WAPL: variants seen among roughly 807,000 people sequenced by gnomAD.
WAPL encodes the protein WAPL cohesin release factor.
WAPL carries 5 observed loss-of-function variants against 121.0 expected under a neutral mutation model. That is an observed-to-expected ratio of 0.04 (90% confidence interval 0.02 to 0.09). WAPL has a LOEUF of 0.09. Ranked by LOEUF, WAPL falls within the 10% of genes least tolerant of loss-of-function variation. The pLI is 1.00. For missense variants in WAPL, 999 were observed against 1,410.8 expected (o/e 0.71, Z 4.68); for synonymous variants, 480 against 481.5 (o/e 1.00, Z 0.04).
intron 3 of WAPL, among the ~76,000 whole-genome samples, chr10:86,497,742 T>C (rs1330897790): frequency 2.0e-5 from 3 of 152,188 alleles, no homozygotes; most frequent in Non-Finnish European, 2.9e-5. Flanking sequence ...CACTAAATCA[T>C]GTTGGCCTTC....
intron 2 of WAPL, among the ~76,000 whole-genome samples, chr10:86,502,337 C>T (rs1003205130): frequency 6.6e-6 from 1 of 152,158 alleles, no homozygotes; most frequent in South Asian, 2.1e-4. Context: ...GGATAAGGAA[C>T]AAGAAAAGAC....
chr10:86,481,517 G>C (rs1841786114), intron 4 of WAPL, among the ~76,000 whole-genome samples: 2 of 152,116 alleles, frequency 1.3e-5, no homozygotes, highest in African/African-American at 4.8e-5. Context: ...GGGATTACAG[G>C]CATGTGCTAC....
chr10:86,502,739 G>A (rs1842269509), intron 2 of WAPL, among the ~76,000 whole-genome samples: 1 of 152,110 alleles, frequency 6.6e-6, no homozygotes, highest in Admixed American at 6.5e-5. Context: ...TTACACAGAT[G>A]AGAAAAAAAG....
rs1841546390 is a variant in WAPL at position 86,472,120 on chromosome 10, A to C, written c.2030+88T>G. The stretch of plus-strand genomic sequence containing the variant: ...CATACTACCCCATCATAACAAAATA[A>C]AAAATGTTTGGCTTTTTGGACAACA... On this transcript the variant is annotated intron_variant, in intron 7 of 18. Coordinates refer to ENST00000298767, the MANE Select transcript of WAPL (RefSeq NM_015045.5). This position sits in a 1 kb window ranked among gnomAD's most constrained non-coding sequence, Gnocchi z 4.2. 5 of 1,323,504 alleles carry C rather than the reference A, an allele frequency of 3.8e-6. No individual in the cohort carries two copies. In the Admixed American group the frequency reaches 8.1e-5, roughly 21 times the overall value. 82.0% of individuals were successfully genotyped at this position (1,323,504 alleles called of 1,614,324 possible).
chr10:86,486,141 T>G (rs1373663379), intron 4 of WAPL, among the ~76,000 whole-genome samples: 1 of 152,226 alleles, frequency 6.6e-6, no homozygotes, highest in African/African-American at 2.4e-5. Context: ...GAGAATATAG[T>G]GGATCTCACA....
chr10:86,491,080 A>C (rs117194312), intron 4 of WAPL, among the ~76,000 whole-genome samples: 10,622 of 149,588 alleles, frequency 0.071, 657 homozygotes, highest in East Asian at 0.36. Context: ...TAAATAAATA[A>C]ATACATACAT....
chr10:86,472,202 T>C lies in WAPL; in HGVS notation c.2030+6A>G. 1.9e-6 allele frequency: 3 copies of C among 1,552,724 alleles called. No individual in the cohort carries two copies. Among genetic ancestry groups the C allele is most frequent in the East Asian group, 2.3e-5 (1 of 43,632 alleles). ...ATAATTGTAAAATATAAAAATAAGATCTTACCTAAGGCAACGTGTGTTTAG... is the reference window on the plus strand; with the variant it reads ...ATAATTGTAAAATATAAAAATAAGACCTTACCTAAGGCAACGTGTGTTTAG... On this transcript the variant is annotated splice_donor_region_variant and intron_variant, in intron 7 of 18. Coordinates refer to ENST00000298767, the MANE Select transcript of WAPL (RefSeq NM_015045.5). The surrounding 1 kb of genome is among the most constrained non-coding windows in gnomAD (Gnocchi z 4.2).
chr10:86,473,839 T>C, intron 5 of WAPL, 39 bp downstream of exon 5: 1 of 1,477,634 alleles, frequency 6.8e-7, no homozygotes, highest in Non-Finnish European at 9.4e-7. Context: ...ATTTATAGCT[T>C]ATTAAAAAAC....
At chr10:86,452,971 G>A (rs142634042) in intron 14 of WAPL, among the ~76,000 whole-genome samples, 1,828 of 129,280 alleles carry the variant, frequency 0.014, 34 homozygotes, top group African/African-American at 0.051. Context: ...CCAGGGAGGC[G>A]GAGGTTGCAG....
chr10:86,456,591 TAAAG>T (rs979832771), intron 12 of WAPL, among the ~76,000 whole-genome samples: 6 of 152,186 alleles, frequency 3.9e-5, no homozygotes, highest in Admixed American at 3.3e-4. Flanking sequence ...ACAAAATTCT[TAAAG>T]AAACCGTATC....
Position 86,500,446 on chromosome 10 carries a change from T to C in WAPL, c.797A>G (p.Asp266Gly), listed in dbSNP as rs762201388. The change falls in exon 3 of 19, where the codon GAC (aspartate) becomes GGC (glycine). Residue 266 changes from aspartate (D) to glycine (G), a missense_variant. Asp to Gly is a moderately conservative substitution (Grantham distance 94, BLOSUM62 -1). Around this residue, in one of 7 missense-constraint regions of WAPL, gnomAD observed 531 missense variants for 563.1 expected, o/e 0.94. Coordinates refer to ENST00000298767, the MANE Select transcript of WAPL (RefSeq NM_015045.5). The part of the protein sequence containing the change: ...DSDPLLEMKD[D>G]DFKNRLENLN... Reference sequence around the variant, plus strand: ...ATTTTCCAATCGATTTTTAAAATCGTCATCCTTCATCTCCAAAAGGGGATC... The same window carrying C: ...ATTTTCCAATCGATTTTTAAAATCGCCATCCTTCATCTCCAAAAGGGGATC... 1.2e-6 allele frequency: 2 copies of C among 1,614,244 alleles called. No individual in the cohort carries two copies. Among genetic ancestry groups the C allele is most frequent in the Admixed American group, 1.7e-5 (1 of 60,032 alleles).
intron 12 of WAPL, among the ~76,000 whole-genome samples, chr10:86,454,573 T>G (rs1247910377): frequency 6.6e-6 from 1 of 152,228 alleles, no homozygotes; most frequent in Non-Finnish European, 1.5e-5. Flanking sequence ...GGCGTGATCT[T>G]GGCTCGCTAC....
At chr10:86,491,246 T>C (rs1387902745) in intron 4 of WAPL, among the ~76,000 whole-genome samples, 17 of 148,312 alleles carry the variant, frequency 1.1e-4, no homozygotes, top group Non-Finnish European at 1.9e-4. Context: ...TTCGCGCCAT[T>C]CTCCTGCCTC....
At chr10:86,515,781 CA>C (rs1296617356) in intron 2 of WAPL, among the ~76,000 whole-genome samples, 5 of 131,720 alleles carry the variant, frequency 3.8e-5, no homozygotes, top group Non-Finnish European at 4.8e-5. Flanking sequence ...GACTGTGTCT[CA>C]AAAAAAAAAG....
At chr10:86,485,970 C>T (rs985226222) in intron 4 of WAPL, among the ~76,000 whole-genome samples, 4 of 152,344 alleles carry the variant, frequency 2.6e-5, no homozygotes, top group African/African-American at 9.6e-5. Context: ...ACCTGCTCAG[C>T]TTCAACAACT....
intron 15 of WAPL, among the ~76,000 whole-genome samples, chr10:86,449,672 T>C (rs1296439495): frequency 6.6e-6 from 1 of 152,200 alleles, no homozygotes; most frequent in Non-Finnish European, 1.5e-5. Context: ...ATAATGCAGA[T>C]CTATCATCTG....
chr10:86,493,576 C>T (rs944063437), intron 4 of WAPL, among the ~76,000 whole-genome samples: 4 of 152,132 alleles, frequency 2.6e-5, no homozygotes, highest in South Asian at 2.1e-4. Flanking sequence ...GTTGTCCAGG[C>T]TCCAGTGAAG....
intron 9 of WAPL, among the ~76,000 whole-genome samples, chr10:86,462,713 T>G (rs1467198322): frequency 1.2e-5 from 1 of 86,454 alleles, no homozygotes; most frequent in South Asian, 3.5e-4. Flanking sequence ...CAGAGTGAGA[T>G]CCCGTCTCAA....
intron 9 of WAPL, among the ~76,000 whole-genome samples, chr10:86,464,209 A>T (rs1464911397): frequency 2.0e-5 from 3 of 152,256 alleles, no homozygotes; most frequent in Non-Finnish European, 4.4e-5. Flanking sequence ...ATATTCAAGG[A>T]CAGCTAACAT....
Sources: allele counts gnomAD v4.1 joint callset (sites outside exome capture counted in the v4.1 genomes callset), GRCh38; gene constraint gnomAD v4.1.1; regional missense constraint gnomAD v4.1.1; non-coding constraint Gnocchi (gnomAD v3.1); transcripts MANE v1.5; gene names NCBI Gene and HGNC (gene_info 2026-07-23, HGNC 2026-07-21).